The following NRXN3 variants were observed in gnomAD, a reference collection of about 807,000 sequenced individuals.
NRXN3 encodes the protein neurexin 3.
A neutral mutation model predicts 137.6 loss-of-function variants in NRXN3; 32 were observed. The observed-to-expected ratio is 0.23, with a 90% confidence interval of 0.18 to 0.31. The LOEUF is 0.31. NRXN3 is among the 10% of genes least tolerant of loss of function. The pLI, the probability that NRXN3 is intolerant of heterozygous loss-of-function variation, is 1.00. For synonymous variants in NRXN3, 798 were observed against 784.5 expected (o/e 1.02, Z -0.29); for missense variants, 1,574 against 2,062.5 (o/e 0.76, Z 4.59).
chr14:79,301,001 C>T (rs1320356765), intron 15 of NRXN3, among the ~76,000 whole-genome samples: 1 of 152,110 alleles, frequency 6.6e-6, no homozygotes, highest in African/African-American at 2.4e-5. Flanking sequence ...AGGAAATTTC[C>T]TCTTGCCTTT....
At chr14:79,718,084 G>C (rs2098829719) in intron 19 of NRXN3, among the ~76,000 whole-genome samples, 1 of 152,210 alleles carries the variant, frequency 6.6e-6, no homozygotes. Context: ...GCAGGGACAA[G>C]TGCTATCAAG....
chr14:79,057,927 G>T (rs1408622650), intron 15 of NRXN3, among the ~76,000 whole-genome samples: 1 of 152,140 alleles, frequency 6.6e-6, no homozygotes, highest in African/African-American at 2.4e-5. Context: ...AATATATTAA[G>T]ACTAGGAGTG....
chr14:78,586,164 G>C (rs1380131627), intron 4 of NRXN3, among the ~76,000 whole-genome samples: 1 of 152,188 alleles, frequency 6.6e-6, no homozygotes, highest in African/African-American at 2.4e-5. Flanking sequence ...CAGGAGAGCT[G>C]AGTAGTTGTG....
intron 15 of NRXN3, among the ~76,000 whole-genome samples, chr14:79,006,357 A>AAACAAAC (rs1567965869): frequency 4.7e-5 from 7 of 150,074 alleles, no homozygotes; most frequent in African/African-American, 1.7e-4. Flanking sequence ...AACAAACAAA[A>AAACAAAC]ACCCCAAAAG....
chr14:79,242,071 A>T lies in NRXN3; in HGVS notation c.3263-225150A>T, dbSNP rs538083410. Among the ~76,000 whole-genome samples, 12 of 152,082 alleles carry T rather than the reference A, an allele frequency of 7.9e-5. No individual in the cohort carries two copies. In the East Asian group the frequency reaches 1.7e-3, roughly 22 times the overall value. On this transcript the variant is annotated intron_variant, in intron 15 of 20. Transcript: ENST00000335750. ...GACAGAGCCAGACTCCATCTCAGAAAAAAAAAAATTAAATGCTCAAAACAA... is the reference window on the plus strand; with the variant it reads ...GACAGAGCCAGACTCCATCTCAGAATAAAAAAAATTAAATGCTCAAAACAA...
At chr14:78,747,663 G>C (rs1403422747) in intron 8 of NRXN3, among the ~76,000 whole-genome samples, 1 of 152,106 alleles carries the variant, frequency 6.6e-6, no homozygotes, top group Non-Finnish European at 1.5e-5. Flanking sequence ...TTGCATTCAA[G>C]CTTCATCATA....
chr14:79,717,352 C>T (rs999655266), intron 19 of NRXN3, among the ~76,000 whole-genome samples: 4 of 152,152 alleles, frequency 2.6e-5, no homozygotes, highest in Admixed American at 6.5e-5. Context: ...GTGGCCCAAC[C>T]AACTTGAAAA....
intron 15 of NRXN3, among the ~76,000 whole-genome samples, chr14:79,065,910 C>A (rs2099680137): frequency 6.6e-6 from 1 of 152,062 alleles, no homozygotes; most frequent in African/African-American, 2.4e-5. Context: ...TCCCATCATC[C>A]AGATATTAAG....
chr14:79,328,714 T>G (rs1598773065), intron 15 of NRXN3, among the ~76,000 whole-genome samples: 1 of 152,350 alleles, frequency 6.6e-6, no homozygotes, highest in Admixed American at 6.5e-5. Context: ...GAATAAGAAC[T>G]TCTAATTCAT....
intron 4 of NRXN3, among the ~76,000 whole-genome samples, chr14:78,418,310 T>C (rs988322927): frequency 3.3e-5 from 5 of 152,214 alleles, no homozygotes; most frequent in Admixed American, 2.0e-4. Context: ...ATTTCATTTA[T>C]GTTGGTGGAT....
chr14:78,517,800 G>A (rs1038547370), intron 4 of NRXN3, among the ~76,000 whole-genome samples: 1 of 152,166 alleles, frequency 6.6e-6, no homozygotes, highest in Non-Finnish European at 1.5e-5. Flanking sequence ...CTTTGCAAAT[G>A]CAGGTTCATA....
intron 15 of NRXN3, among the ~76,000 whole-genome samples, chr14:79,292,308 G>T (rs116198320): frequency 0.013 from 1,982 of 152,262 alleles, 48 homozygotes; most frequent in African/African-American, 0.045. Context: ...AAGAGTGAGG[G>T]ACCCCCTCTC....
At chr14:79,424,050 T>A (rs1318954303) in intron 15 of NRXN3, among the ~76,000 whole-genome samples, 1 of 152,272 alleles carries the variant, frequency 6.6e-6, no homozygotes, top group East Asian at 1.9e-4. Flanking sequence ...GCACAGAAAA[T>A]GAATTCATTA....
chr14:79,556,730 T>C (rs189970191), intron 16 of NRXN3, among the ~76,000 whole-genome samples: 1 of 152,216 alleles, frequency 6.6e-6, no homozygotes, highest in Admixed American at 6.5e-5. Flanking sequence ...TAAAAATTAT[T>C]TTTTGTGTAA....
intron 2 of NRXN3, among the ~76,000 whole-genome samples, chr14:78,255,519 G>T (rs536332000): frequency 4.7e-4 from 72 of 152,350 alleles, no homozygotes; most frequent in Non-Finnish European, 8.5e-4. Context: ...TATATAACCA[G>T]TGGCTACATT....
chr14:79,690,339 T>C (rs2098711827), intron 17 of NRXN3, among the ~76,000 whole-genome samples: 1 of 152,182 alleles, frequency 6.6e-6, no homozygotes, highest in Non-Finnish European at 1.5e-5. Flanking sequence ...TCGATAGCTA[T>C]ATTCTTTCGC....
chr14:79,256,172 G>GTCTCTCTCTCTCTCTC (rs111298626), intron 15 of NRXN3, among the ~76,000 whole-genome samples: 3 of 145,306 alleles, frequency 2.1e-5, no homozygotes, highest in African/African-American at 7.6e-5. Flanking sequence ...CTCTCTCTCT[G>GTCTCTCTCTCTCTCTC]TCTCTCTCTC....
At chr14:78,451,373 G>A (rs1201858361) in intron 4 of NRXN3, among the ~76,000 whole-genome samples, 3 of 152,216 alleles carry the variant, frequency 2.0e-5, no homozygotes, top group African/African-American at 7.2e-5. Context: ...TGTTGCAAGA[G>A]TTAAAGGAAG....
chr14:79,116,903 C>T (rs1349110881), intron 15 of NRXN3, among the ~76,000 whole-genome samples: 4 of 152,212 alleles, frequency 2.6e-5, no homozygotes, highest in Admixed American at 2.0e-4. Context: ...CTCAGTCTTC[C>T]TTCTTCTCCA....
Sources: allele counts gnomAD v4.1 joint callset (sites outside exome capture counted in the v4.1 genomes callset), GRCh38; gene constraint gnomAD v4.1.1; transcripts MANE v1.5; gene names NCBI Gene and HGNC (gene_info 2026-07-23, HGNC 2026-07-21).